Variants in ETV6 observed in about 807,000 individuals in gnomAD.
ETV6 encodes the protein ETS variant transcription factor 6.
ETV6 carries 16 observed loss-of-function variants against 51.1 expected under a neutral mutation model. That is an observed-to-expected ratio of 0.31 (90% CI 0.21 to 0.48). ETV6 has a LOEUF of 0.48. Among genes scored for constraint, ETV6 ranks in the 20% least tolerant of loss-of-function variants. The pLI, the probability that ETV6 is intolerant of heterozygous loss-of-function variation, is 0.99. For missense variants in ETV6, 458 were observed against 594.8 expected (o/e 0.77, Z 2.39); for synonymous variants, 240 against 224.1 (o/e 1.07, Z -0.64).
intron 3 of ETV6, among the ~76,000 whole-genome samples, chr12:11,847,264 C>G (rs1282824853): frequency 2.0e-5 from 3 of 152,138 alleles, no homozygotes; most frequent in Non-Finnish European, 4.4e-5. Flanking sequence ...ATTTGCTGAC[C>G]TAAGAAACAC....
At chr12:11,699,819 C>T (rs543156202) in intron 1 of ETV6, among the ~76,000 whole-genome samples, 1 of 152,244 alleles carries the variant, frequency 6.6e-6, no homozygotes, top group South Asian at 2.1e-4. Context: ...CTGCGTTCCC[C>T]CTCCTCATTC....
At chr12:11,790,042 C>T (rs1744172456) in intron 2 of ETV6, among the ~76,000 whole-genome samples, 2 of 151,972 alleles carry the variant, frequency 1.3e-5, no homozygotes, top group African/African-American at 2.4e-5. Context: ...TTATTTTTCA[C>T]CTCTTAATAT....
chr12:11,668,714 AC>A (rs753003613), intron 1 of ETV6, among the ~76,000 whole-genome samples: 7 of 152,220 alleles, frequency 4.6e-5, no homozygotes, highest in Non-Finnish European at 7.3e-5. Flanking sequence ...GAATCTGATC[AC>A]AAGTTGAGAT....
intron 2 of ETV6, among the ~76,000 whole-genome samples, chr12:11,799,469 G>A (rs569863456): frequency 6.2e-4 from 95 of 152,308 alleles, no homozygotes; most frequent in African/African-American, 2.2e-3. Flanking sequence ...GGAGTTGGTG[G>A]TCTTTCTCCA....
intron 3 of ETV6, among the ~76,000 whole-genome samples, chr12:11,851,793 G>T (rs138430365): frequency 1.3e-5 from 2 of 152,124 alleles, no homozygotes; most frequent in Non-Finnish European, 2.9e-5. Context: ...AAAACACAAG[G>T]TTCCCTCAGG....
At position 11,891,375 on chromosome 12, in the gene ETV6, GTT is replaced by G; in HGVS notation, c.*332_*333del. The stretch of plus-strand genomic sequence containing the variant: ...TCATGGTGTTTTTGTTTTTGTTTTT[GTT>G]TTAAGAACCTGCAGTTTGACTCTTC... On this transcript the variant is annotated 3_prime_UTR_variant, in exon 8 of 8. Coordinates refer to ENST00000396373, the MANE Select transcript of ETV6 (RefSeq NM_001987.5). The G allele has an allele frequency of 2.9e-6, 1 of 339,672 alleles. No homozygotes were observed. Among genetic ancestry groups the G allele is most frequent in the Non-Finnish European group, 5.4e-6 (1 of 184,380 alleles). 21.0% of individuals were successfully genotyped at this position (339,672 alleles called of 1,614,324 possible). A position where few individuals can be genotyped will look rare whatever the true frequency, so the allele number is the denominator to read the frequency against.
chr12:11,736,735 G>A (rs1178784648), intron 1 of ETV6, among the ~76,000 whole-genome samples: 1 of 152,208 alleles, frequency 6.6e-6, no homozygotes, highest in African/African-American at 2.4e-5. Context: ...ATCTACTGGA[G>A]AGGAGATGGG....
At chr12:11,797,281 T>C (rs1945693554) in intron 2 of ETV6, among the ~76,000 whole-genome samples, 1 of 120,512 alleles carries the variant, frequency 8.3e-6, no homozygotes. Context: ...AAATTCACAG[T>C]TCCAAAACCT....
chr12:11,881,796 T>C (rs200482659), intron 5 of ETV6, among the ~76,000 whole-genome samples: 10 of 152,332 alleles, frequency 6.6e-5, no homozygotes, highest in African/African-American at 2.4e-4. Context: ...AAAAAGACAC[T>C]TTGCCACTTT....
chr12:11,717,173 T>C (rs7955206), intron 1 of ETV6, among the ~76,000 whole-genome samples: 16,091 of 152,190 alleles, frequency 0.11, 2,112 homozygotes, highest in African/African-American at 0.31. Context: ...AATACAGCAG[T>C]GTCTGCTCAG....
chr12:11,734,220 C>T (rs1052845613), intron 1 of ETV6, among the ~76,000 whole-genome samples: 6 of 152,212 alleles, frequency 3.9e-5, no homozygotes, highest in African/African-American at 1.2e-4. Context: ...AATAGTTGTA[C>T]ATGAACATCG....
intron 2 of ETV6, among the ~76,000 whole-genome samples, chr12:11,823,398 G>C (rs1200165699): frequency 6.6e-6 from 1 of 151,978 alleles, no homozygotes; most frequent in Non-Finnish European, 1.5e-5. Context: ...TCGGTGATAG[G>C]AGATATGGAA....
chr12:11,829,205 T>C (rs1044292428), intron 2 of ETV6, among the ~76,000 whole-genome samples: 2 of 152,210 alleles, frequency 1.3e-5, no homozygotes, highest in African/African-American at 4.8e-5. Flanking sequence ...GAAAGTATTT[T>C]GGTCTTCTGG....
intron 2 of ETV6, among the ~76,000 whole-genome samples, chr12:11,822,918 T>G (rs1160128117): frequency 6.6e-6 from 1 of 152,182 alleles, no homozygotes; most frequent in Non-Finnish European, 1.5e-5. Flanking sequence ...TCAATACATT[T>G]CTTGCAAAGT....
chr12:11,680,724 A>C (rs1861482), intron 1 of ETV6, among the ~76,000 whole-genome samples: 103,579 of 152,156 alleles, frequency 0.68, 41,731 homozygotes, highest in Non-Finnish European at 0.87. Flanking sequence ...CTACTTCTAC[A>C]TGCCTATGAT....
At chr12:11,697,040 T>C (rs1864890733) in intron 1 of ETV6, among the ~76,000 whole-genome samples, 1 of 152,184 alleles carries the variant, frequency 6.6e-6, no homozygotes. Context: ...AATTGTTAAA[T>C]TTAAATGAAT....
At chr12:11,879,474 C>CAT (rs979345338) in intron 5 of ETV6, among the ~76,000 whole-genome samples, 67 of 152,262 alleles carry the variant, frequency 4.4e-4, no homozygotes, top group African/African-American at 1.5e-3. Flanking sequence ...TAAGTTTATA[C>CAT]AATGAGTCTC....
At chr12:11,667,861 C>T (rs1864225618) in intron 1 of ETV6, among the ~76,000 whole-genome samples, 1 of 152,016 alleles carries the variant, frequency 6.6e-6, no homozygotes, top group Non-Finnish European at 1.5e-5. Context: ...GCTGCCACGC[C>T]CAGCTAAATT....
intron 2 of ETV6, among the ~76,000 whole-genome samples, chr12:11,822,357 G>C (rs1330999506): frequency 6.6e-6 from 1 of 152,236 alleles, no homozygotes; most frequent in Admixed American, 6.5e-5. Flanking sequence ...ATGTCAGGAA[G>C]TTTTTGTTAA....
Sources: gnomAD v4.1 joint callset for allele counts (sites outside exome capture counted in the v4.1 genomes callset) on GRCh38, gnomAD v4.1.1 for gene constraint, MANE v1.5 for transcripts, NCBI Gene and HGNC (gene_info 2026-07-23, HGNC 2026-07-21) for gene names.